ERBB4: variants seen among roughly 807,000 people sequenced by gnomAD.
ERBB4 encodes the protein receptor tyrosine-protein kinase erbB-4.
Under a neutral mutation model 158.0 loss-of-function variants are expected in ERBB4, and 42 were observed. That is an observed-to-expected ratio of 0.27 (90% confidence interval 0.21 to 0.34). The LOEUF (loss-of-function observed/expected upper bound fraction) is 0.34, where lower values mean the gene tolerates loss of function less well. ERBB4 is among the 10% of genes least tolerant of loss of function. ERBB4 has a pLI of 1.00. For synonymous variants in ERBB4, 583 were observed against 558.7 expected (o/e 1.04, Z -0.61); for missense variants, 1,333 against 1,624.1 (o/e 0.82, Z 3.08).
chr2:212,422,005 C>G (rs1268442282), intron 1 of ERBB4, among the ~76,000 whole-genome samples: 1 of 152,078 alleles, frequency 6.6e-6, no homozygotes, highest in African/African-American at 2.4e-5. Context: ...TCAGGGAAGG[C>G]AAATATGATG....
intron 1 of ERBB4, among the ~76,000 whole-genome samples, chr2:212,168,455 CAA>C (rs1201269616): frequency 1.3e-5 from 2 of 152,028 alleles, no homozygotes; most frequent in African/African-American, 4.8e-5. Flanking sequence ...ACTCTTTCTT[CAA>C]GAGACAGTTT....
chr2:212,526,724 C>A (rs1029519725), intron 1 of ERBB4, among the ~76,000 whole-genome samples: 7 of 152,134 alleles, frequency 4.6e-5, no homozygotes, highest in African/African-American at 1.7e-4. Context: ...TTGTTTCATT[C>A]ATGGCTAGCA....
At position 211,461,160 on chromosome 2, in the gene ERBB4, C is replaced by T. The variant is rs116696104; in HGVS notation, c.2488-30060G>A. On this transcript the variant is annotated intron_variant, in intron 20 of 27. Coordinates refer to ENST00000342788, the MANE Select transcript of ERBB4 (RefSeq NM_005235.3). The stretch of plus-strand genomic sequence containing the variant: ...GCTTAAAAAGTAAATGAAAATTCAT[C>T]TGTGTCATTGGAAGAGATGAAAACT... Among the ~76,000 whole-genome samples the T allele has an allele frequency of 8.7e-3, 1,319 of 151,746 alleles. 16 individuals carry two copies. The highest frequency in any genetic ancestry group is 0.03 in the African/African-American group (1,262 of 41,378).
At chr2:212,359,773 AAAACAAATGCT>A (rs1393088584) in intron 1 of ERBB4, among the ~76,000 whole-genome samples, 3 of 151,844 alleles carry the variant, frequency 2.0e-5, no homozygotes, top group African/African-American at 7.2e-5. Context: ...TAAAGGTAAG[AAAACAAATGCT>A]AAACCAGAAA....
At chr2:212,016,625 G>A (rs1274522139) in intron 2 of ERBB4, among the ~76,000 whole-genome samples, 1 of 152,100 alleles carries the variant, frequency 6.6e-6, no homozygotes, top group Admixed American at 6.5e-5. Flanking sequence ...TTGTGGAGGA[G>A]AGGGGTGGAC....
chr2:211,639,069 T>C (rs569621056), intron 16 of ERBB4, among the ~76,000 whole-genome samples: 1 of 152,034 alleles, frequency 6.6e-6, no homozygotes, highest in Non-Finnish European at 1.5e-5. Context: ...TTTAACAGGG[T>C]TTTTAAGAGG....
chr2:212,469,975 C>A (rs13389646), intron 1 of ERBB4, among the ~76,000 whole-genome samples: 1 of 152,110 alleles, frequency 6.6e-6, no homozygotes, highest in Non-Finnish European at 1.5e-5. Flanking sequence ...TCAAACTGAA[C>A]TTTTCAAAAC....
intron 3 of ERBB4, among the ~76,000 whole-genome samples, chr2:211,796,313 T>C (rs979430178): frequency 1.3e-5 from 2 of 152,008 alleles, no homozygotes; most frequent in Admixed American, 6.6e-5. Flanking sequence ...TTCATCTATA[T>C]TGTTTATTTT....
In ERBB4 at chr2:212,419,955, A is replaced by G. The variant is rs911000560; in HGVS notation, c.82+118494T>C. Among the ~76,000 whole-genome samples, 14 of 152,016 alleles carry G rather than the reference A, an allele frequency of 9.2e-5. No individual in the cohort carries two copies. The South Asian group carries it at 1.4e-3, about 16-fold the overall frequency. Reference sequence around the variant, plus strand: ...ATTTTCCTCAATGTATTTCTTAAATATCTTGTGCTATACTAAAATGAATTC... The same window carrying G: ...ATTTTCCTCAATGTATTTCTTAAATGTCTTGTGCTATACTAAAATGAATTC... On this transcript the variant is annotated intron_variant, in intron 1 of 27. Transcript: ENST00000342788.
intron 2 of ERBB4, among the ~76,000 whole-genome samples, chr2:211,974,505 C>T (rs2081548573): frequency 6.6e-6 from 1 of 152,124 alleles, no homozygotes. Flanking sequence ...GTAAATTATC[C>T]AAACCTTCTT....
chr2:211,400,157 T>TA (rs1455065193), intron 25 of ERBB4, among the ~76,000 whole-genome samples: 1 of 152,016 alleles, frequency 6.6e-6, no homozygotes, highest in Non-Finnish European at 1.5e-5. Context: ...CCCGCTGCCT[T>TA]AAAAAAGTGT....
At chr2:211,750,579 C>A (rs1575093172) in intron 5 of ERBB4, 60 bp downstream of exon 5, 2 of 1,378,028 alleles carry the variant, frequency 1.5e-6, no homozygotes, top group African/African-American at 1.4e-5. Flanking sequence ...ATGAAATGGA[C>A]CAATCATTAA....
chr2:212,476,403 C>T (rs554498173), intron 1 of ERBB4, among the ~76,000 whole-genome samples: 16 of 152,126 alleles, frequency 1.1e-4, no homozygotes, highest in South Asian at 4.1e-4. Context: ...GGTAAACACA[C>T]GGCATAGAAA....
At chr2:212,165,254 T>C (rs2081313522) in intron 1 of ERBB4, among the ~76,000 whole-genome samples, 2 of 151,942 alleles carry the variant, frequency 1.3e-5, no homozygotes, top group Admixed American at 1.3e-4. Context: ...GAGTTTTTGG[T>C]ATCTTATTCA....
At chr2:211,392,558 C>CACACA (rs1553519706) in intron 25 of ERBB4, among the ~76,000 whole-genome samples, 4 of 140,918 alleles carry the variant, frequency 2.8e-5, no homozygotes, top group African/African-American at 7.9e-5. Context: ...CTCTCTTACT[C>CACACA]CACACACACA....
At chr2:212,471,371 T>C (rs1218030831) in intron 1 of ERBB4, among the ~76,000 whole-genome samples, 3 of 151,994 alleles carry the variant, frequency 2.0e-5, no homozygotes, top group African/African-American at 7.2e-5. Flanking sequence ...CCCTGCCAAC[T>C]AGACAAATAG....
At chr2:211,927,921 A>T (rs532877740) in intron 3 of ERBB4, among the ~76,000 whole-genome samples, 2 of 152,270 alleles carry the variant, frequency 1.3e-5, no homozygotes, top group South Asian at 4.1e-4. Context: ...CTCTCAAAAA[A>T]CAGCTTAATC....
At chr2:212,169,915 C>T (rs1276480135) in intron 1 of ERBB4, among the ~76,000 whole-genome samples, 1 of 152,152 alleles carries the variant, frequency 6.6e-6, no homozygotes, top group Non-Finnish European at 1.5e-5. Flanking sequence ...AGCTGTGAGT[C>T]AATTAAACCT....
At chr2:212,042,678 G>A (rs555951390) in intron 2 of ERBB4, among the ~76,000 whole-genome samples, 6 of 152,172 alleles carry the variant, frequency 3.9e-5, no homozygotes, top group African/African-American at 1.2e-4. Flanking sequence ...GAAGCTCCCT[G>A]TAAGGAAACT....
Sources: gnomAD v4.1 joint callset for allele counts (sites outside exome capture counted in the v4.1 genomes callset) on GRCh38, gnomAD v4.1.1 for gene constraint, MANE v1.5 for transcripts, NCBI Gene and HGNC (gene_info 2026-07-23, HGNC 2026-07-21) for gene names.